Variants in PARP8 observed in about 807,000 individuals in gnomAD.
PARP8 encodes the protein protein mono-ADP-ribosyltransferase PARP8.
A neutral mutation model predicts 124.1 loss-of-function variants in PARP8; 51 were observed. The ratio of observed to expected loss-of-function variants is 0.41; its 90% CI spans 0.33 to 0.52. The LOEUF is 0.52. Among genes scored for constraint, PARP8 ranks in the 20% least tolerant of loss-of-function variants. PARP8 has a pLI of 0.21. For missense variants in PARP8, 860 were observed against 1,018.9 expected (o/e 0.84, Z 2.12); for synonymous variants, 391 against 361.5 (o/e 1.08, Z -0.93).
At chr5:50,695,871 A>G (rs1038547396) in intron 2 of PARP8, among the ~76,000 whole-genome samples, 3 of 152,178 alleles carry the variant, frequency 2.0e-5, no homozygotes, top group African/African-American at 7.2e-5. Flanking sequence ...ACTTGGATGA[A>G]TTCAAAATCA....
rs186513201 is a variant in PARP8 at position 50,798,609 on chromosome 5, A to G, written c.1575+1376A>G. On this transcript the variant is annotated intron_variant, in intron 14 of 25. Coordinates refer to ENST00000281631, the MANE Select transcript of PARP8 (RefSeq NM_024615.4). ...CTGATTTTTTGTATTTTTTTAGTAG[A>G]GACAGGGTTTCACTGTGTTGGCCAG... Among the ~76,000 whole-genome samples the G allele has an allele frequency of 4.5e-3, 688 of 151,852 alleles. 2 individuals are homozygous for G. The highest frequency in any genetic ancestry group is 0.01 in the Middle Eastern group (3 of 294).
chr5:50,690,038 AGGG>A (rs1324646789), intron 2 of PARP8, among the ~76,000 whole-genome samples: 4 of 152,266 alleles, frequency 2.6e-5, no homozygotes, highest in Non-Finnish European at 4.4e-5. Flanking sequence ...TGTGAACCCA[AGGG>A]GACAAGGGAG....
intron 14 of PARP8, among the ~76,000 whole-genome samples, chr5:50,806,669 A>C (rs1032885651): frequency 5.3e-5 from 8 of 152,058 alleles, no homozygotes; most frequent in African/African-American, 1.9e-4. Flanking sequence ...GAGGAAATGA[A>C]AATTAAAGAA....
intron 2 of PARP8, chr5:50,669,533 C>A (rs1749758164): frequency 6.6e-6 from 1 of 152,114 alleles, no homozygotes. Flanking sequence ...TAATAAGATA[C>A]CTCAGTTCTT....
chr5:50,778,859 C>T (rs1012183907), intron 9 of PARP8, among the ~76,000 whole-genome samples: 2 of 152,072 alleles, frequency 1.3e-5, no homozygotes, highest in Non-Finnish European at 2.9e-5. Flanking sequence ...TATAGATTTT[C>T]AGAAACTGAC....
At chr5:50,743,180 T>A (rs1441845835) in intron 2 of PARP8, among the ~76,000 whole-genome samples, 1 of 152,100 alleles carries the variant, frequency 6.6e-6, no homozygotes. Context: ...ACGTGCAGCT[T>A]AACGTTGTCC....
At chr5:50,821,811 A>G (rs1186529861) in intron 16 of PARP8, among the ~76,000 whole-genome samples, 1 of 152,168 alleles carries the variant, frequency 6.6e-6, no homozygotes, top group Non-Finnish European at 1.5e-5. Flanking sequence ...ACTGTATACA[A>G]TTTTCTTGGA....
chr5:50,810,404 T>C (rs1280162442), intron 14 of PARP8, among the ~76,000 whole-genome samples: 1 of 152,072 alleles, frequency 6.6e-6, no homozygotes, highest in Non-Finnish European at 1.5e-5. Context: ...TACACTTAAC[T>C]GGTAATAGCT....
chr5:50,754,140 T>TAC (rs1453316777), intron 3 of PARP8, among the ~76,000 whole-genome samples: 8 of 16,364 alleles, frequency 4.9e-4, no homozygotes, highest in Admixed American at 1.6e-3. Flanking sequence ...TATATATATA[T>TAC]ATATATATAT....
At chr5:50,701,148 G>C (rs1292178685) in intron 2 of PARP8, among the ~76,000 whole-genome samples, 1 of 152,126 alleles carries the variant, frequency 6.6e-6, no homozygotes, top group Non-Finnish European at 1.5e-5. Flanking sequence ...AATGAACACA[G>C]ATTAAAGATT....
At chr5:50,698,948 CA>C (rs930902872) in intron 2 of PARP8, among the ~76,000 whole-genome samples, 16 of 152,104 alleles carry the variant, frequency 1.1e-4, no homozygotes, top group African/African-American at 3.9e-4. Context: ...CCTTGTTTTA[CA>C]AAAAAGAAAA....
chr5:50,778,641 A>T lies in PARP8; in HGVS notation c.661A>T (p.Asn221Tyr). 1 of 1,595,080 alleles carries T rather than the reference A, an allele frequency of 6.3e-7. No homozygotes were observed. Among genetic ancestry groups the T allele is most frequent in the Non-Finnish European group, 8.5e-7 (1 of 1,170,418 alleles). The change falls in exon 9 of 26, where the codon AAT becomes TAT. Residue 221 changes from asparagine (N) to tyrosine (Y), a missense_variant. Coordinates refer to ENST00000281631, the MANE Select transcript of PARP8 (RefSeq NM_024615.4). Reference protein sequence around the residue: ...RLHCSLTQYLNGPVPTVDVFQ... With the variant: ...RLHCSLTQYLYGPVPTVDVFQ... Reference sequence around the variant, plus strand: ...ACACTGTTCACTTACACAGTATTTAAATGGCCCAGGTTAGTTTTATTTCTT... The same window carrying T: ...ACACTGTTCACTTACACAGTATTTATATGGCCCAGGTTAGTTTTATTTCTT...
At chr5:50,793,572 G>A (rs1742195996) in intron 10 of PARP8, among the ~76,000 whole-genome samples, 1 of 152,124 alleles carries the variant, frequency 6.6e-6, no homozygotes, top group Non-Finnish European at 1.5e-5. Context: ...CAAACTTAAG[G>A]ATACCCAGTT....
intron 7 of PARP8, among the ~76,000 whole-genome samples, chr5:50,766,769 T>G (rs1412290704): frequency 1.3e-5 from 2 of 152,116 alleles, no homozygotes; most frequent in Non-Finnish European, 2.9e-5. Flanking sequence ...AGGGTAACGT[T>G]TGGGAAACGA....
intron 7 of PARP8, among the ~76,000 whole-genome samples, chr5:50,775,547 C>T (rs1015522145): frequency 6.6e-6 from 1 of 152,120 alleles, no homozygotes; most frequent in South Asian, 2.1e-4. Context: ...AGAGGGAAAC[C>T]GTGGAAAGAG....
intron 2 of PARP8, among the ~76,000 whole-genome samples, chr5:50,743,801 G>C (rs1464342398): frequency 6.6e-6 from 1 of 151,990 alleles, no homozygotes; most frequent in Non-Finnish European, 1.5e-5. Context: ...ATAAAATTGA[G>C]ATCTGTACTC....
chr5:50,792,103 C>T (rs190306359), intron 10 of PARP8, among the ~76,000 whole-genome samples: 43 of 152,198 alleles, frequency 2.8e-4, no homozygotes, highest in African/African-American at 9.4e-4. Flanking sequence ...GCTCTTGACG[C>T]GATGCAAATG....
intron 2 of PARP8, among the ~76,000 whole-genome samples, chr5:50,672,712 T>C (rs1750169632): frequency 6.6e-6 from 1 of 152,180 alleles, no homozygotes. Context: ...GCAAACTTTC[T>C]AGGGGCCCTA....
chr5:50,836,619 C>T (rs1464365989), intron 25 of PARP8, among the ~76,000 whole-genome samples: 1 of 152,076 alleles, frequency 6.6e-6, no homozygotes, highest in African/African-American at 2.4e-5. Flanking sequence ...TGGGGCAGAA[C>T]GAAGGCAGAG....
Sources: gnomAD v4.1 joint callset for allele counts (sites outside exome capture counted in the v4.1 genomes callset) on GRCh38, gnomAD v4.1.1 for gene constraint, MANE v1.5 for transcripts, NCBI Gene and HGNC (gene_info 2026-07-23, HGNC 2026-07-21) for gene names.